CAMKMT: variants seen among roughly 807,000 people sequenced by gnomAD.
CAMKMT encodes the protein CaM KMT.
CAMKMT carries 53 observed loss-of-function variants against 48.0 expected under a neutral mutation model. The observed-to-expected ratio is 1.10, with a 90% CI of 0.89 to 1.39. CAMKMT has a LOEUF of 1.39. Ranked by LOEUF, CAMKMT falls within the 40% of genes most tolerant of loss-of-function variation. CAMKMT has a pLI of 0.00. For synonymous variants in CAMKMT, 165 were observed against 152.3 expected, an observed-to-expected ratio of 1.08 and a Z score of -0.61; for missense variants, 428 against 402.7, an observed-to-expected ratio of 1.06 and a Z score of -0.54.
At chr2:44,364,143 C>A (rs1267205877) in intron 1 of CAMKMT, among the ~76,000 whole-genome samples, 1 of 151,358 alleles carries the variant, frequency 6.6e-6, no homozygotes, top group Non-Finnish European at 1.5e-5. Flanking sequence ...GCCATGATAC[C>A]TGGCTTTCAG....
At chr2:44,377,892 T>C (rs1196650468) in intron 2 of CAMKMT, among the ~76,000 whole-genome samples, 1 of 152,100 alleles carries the variant, frequency 6.6e-6, no homozygotes, top group Non-Finnish European at 1.5e-5. Flanking sequence ...ATTTTAGTTA[T>C]ATAGCTTGTG....
chr2:44,756,741 C>CAAAAAA (rs772893331), intron 9 of CAMKMT, among the ~76,000 whole-genome samples: 1 of 80,272 alleles, frequency 1.2e-5, no homozygotes, highest in Non-Finnish European at 2.6e-5. Context: ...GACTCTGTCT[C>CAAAAAA]AAAAAAAAAA....
intron 3 of CAMKMT, among the ~76,000 whole-genome samples, chr2:44,573,973 C>T (rs1192480157): frequency 6.6e-6 from 1 of 151,928 alleles, no homozygotes; most frequent in East Asian, 1.9e-4. Context: ...AGGGCAGGTC[C>T]CTTCTGATTA....
chr2:44,530,848 T>C lies in CAMKMT; in HGVS notation c.376+140543T>C, dbSNP rs538481485. Among the ~76,000 whole-genome samples the C allele has an allele frequency of 3.0e-4, 46 of 152,182 alleles. 1 individual carries two copies. The highest frequency in any genetic ancestry group is 1.0e-3 in the South Asian group (5 of 4,832). ...AGGTATTAAAAATGTCCACTATTTATGAACCTGTGAAAATTTCATAATATT... is the reference window on the plus strand; with the variant it reads ...AGGTATTAAAAATGTCCACTATTTACGAACCTGTGAAAATTTCATAATATT... On this transcript the variant is annotated intron_variant, in intron 3 of 10. Transcript: ENST00000378494.
intron 9 of CAMKMT, among the ~76,000 whole-genome samples, chr2:44,755,628 C>G (rs1212169498): frequency 6.6e-6 from 1 of 152,134 alleles, no homozygotes; most frequent in Non-Finnish European, 1.5e-5. Context: ...TATTGTAAAT[C>G]ATTCGCATGA....
At chr2:44,668,171 C>T (rs1027295575) in intron 3 of CAMKMT, among the ~76,000 whole-genome samples, 3 of 152,150 alleles carry the variant, frequency 2.0e-5, no homozygotes, top group African/African-American at 4.8e-5. Context: ...AGCTGATGAC[C>T]TGGCTGATCT....
At chr2:44,539,686 G>T (rs1050494644) in intron 3 of CAMKMT, among the ~76,000 whole-genome samples, 3 of 151,910 alleles carry the variant, frequency 2.0e-5, no homozygotes, top group Admixed American at 6.6e-5. Context: ...GGTCTCTTTT[G>T]CCATTGACAG....
At chr2:44,768,673 C>T (rs1409477991) in intron 10 of CAMKMT, among the ~76,000 whole-genome samples, 1 of 152,180 alleles carries the variant, frequency 6.6e-6, no homozygotes, top group Non-Finnish European at 1.5e-5. Flanking sequence ...GCCCGCCCGC[C>T]CGGGGCTCCG....
chr2:44,433,097 T>C (rs568007234), intron 3 of CAMKMT, among the ~76,000 whole-genome samples: 3 of 152,318 alleles, frequency 2.0e-5, no homozygotes, highest in Non-Finnish European at 4.4e-5. Context: ...TTTTCTTGTG[T>C]AGTTATGTTA....
At chr2:44,489,677 A>G (rs1558652958) in intron 3 of CAMKMT, among the ~76,000 whole-genome samples, 1 of 152,250 alleles carries the variant, frequency 6.6e-6, no homozygotes, top group Non-Finnish European at 1.5e-5. Context: ...CGTGAGAAGT[A>G]GCAATTGTGA....
chr2:44,614,460 C>T (rs1393501400), intron 3 of CAMKMT, among the ~76,000 whole-genome samples: 1 of 152,158 alleles, frequency 6.6e-6, no homozygotes, highest in African/African-American at 2.4e-5. Context: ...TTTCCAGGCA[C>T]ATGGAAGATG....
At chr2:44,370,765 G>A (rs1400186529) in intron 1 of CAMKMT, among the ~76,000 whole-genome samples, 1 of 152,048 alleles carries the variant, frequency 6.6e-6, no homozygotes, top group Non-Finnish European at 1.5e-5. Context: ...CATGTCATAT[G>A]TTTTGAAATG....
intron 1 of CAMKMT, among the ~76,000 whole-genome samples, chr2:44,365,581 C>G (rs907859638): frequency 2.0e-5 from 3 of 152,168 alleles, no homozygotes; most frequent in Non-Finnish European, 1.5e-5. Flanking sequence ...AGAAATAACT[C>G]TTTTCCCCAA....
chr2:44,499,255 T>A (rs576936810), intron 3 of CAMKMT, among the ~76,000 whole-genome samples: 2 of 152,336 alleles, frequency 1.3e-5, no homozygotes, highest in African/African-American at 2.4e-5. Context: ...GCCATTTATG[T>A]GAGGTTCTTT....
At chr2:44,466,779 A>G (rs1225428131) in intron 3 of CAMKMT, among the ~76,000 whole-genome samples, 2 of 152,226 alleles carry the variant, frequency 1.3e-5, no homozygotes, top group Non-Finnish European at 2.9e-5. Flanking sequence ...CTTAAATAAA[A>G]AAAGACAAGA....
chr2:44,411,321 G>A (rs1030979475), intron 3 of CAMKMT, among the ~76,000 whole-genome samples: 1 of 152,124 alleles, frequency 6.6e-6, no homozygotes, highest in Non-Finnish European at 1.5e-5. Context: ...AAGCACTGGG[G>A]ATACAAAGGT....
At position 44,663,315 on chromosome 2, in the gene CAMKMT, T is replaced by G. The variant is rs139067654; in HGVS notation, c.377-40968T>G. 3.3e-5 allele frequency among the ~76,000 whole-genome samples: 5 copies of G among 152,318 alleles called. No homozygotes were observed. The East Asian group carries it at 9.6e-4, about 29-fold the overall frequency. Reference sequence around the variant, plus strand: ...CACCTGAGAAGAGATGTTCTTATCCTTCAAAAATTGGATAGTAGCTGTGTG... The same window carrying G: ...CACCTGAGAAGAGATGTTCTTATCCGTCAAAAATTGGATAGTAGCTGTGTG... On this transcript the variant is annotated intron_variant, in intron 3 of 10. Transcript: ENST00000378494.
At chr2:44,595,172 GGA>G (rs1670576299) in intron 3 of CAMKMT, among the ~76,000 whole-genome samples, 1 of 152,090 alleles carries the variant, frequency 6.6e-6, no homozygotes, top group African/African-American at 2.4e-5. Context: ...GAGAGGATGT[GGA>G]GAAATAGGAA....
chr2:44,410,407 G>C (rs1265545593), intron 3 of CAMKMT, among the ~76,000 whole-genome samples: 1 of 149,316 alleles, frequency 6.7e-6, no homozygotes, highest in Non-Finnish European at 1.5e-5. Context: ...ACAGGTGCCC[G>C]CCACCTCGCC....
Sources: allele counts gnomAD v4.1 joint callset (sites outside exome capture counted in the v4.1 genomes callset), GRCh38; gene constraint gnomAD v4.1.1; transcripts MANE v1.5; gene names NCBI Gene and HGNC (gene_info 2026-07-23, HGNC 2026-07-21).